Variants in UST observed in about 807,000 individuals in gnomAD.
UST encodes the protein chondroitin sulfate 2-O-sulfotransferase.
In UST, 21 loss-of-function variants were observed where a neutral mutation model predicts 45.6. The ratio of observed to expected loss-of-function variants is 0.46; its 90% CI spans 0.33 to 0.66. The LOEUF (loss-of-function observed/expected upper bound fraction) is 0.66, where lower values mean the gene tolerates loss of function less well. Among genes scored for constraint, UST ranks in the 30% least tolerant of loss-of-function variants. UST has a pLI of 0.02. For synonymous variants in UST, 215 were observed against 200.6 expected (o/e 1.07, Z -0.61); for missense variants, 463 against 512.4 (o/e 0.90, Z 0.93).
intron 1 of UST, among the ~76,000 whole-genome samples, chr6:148,753,344 T>C (rs951429010): frequency 2.0e-5 from 3 of 152,214 alleles, no homozygotes; most frequent in African/African-American, 7.2e-5. Flanking sequence ...TCTGTATAGA[T>C]TTGCCTATTC....
intron 1 of UST, among the ~76,000 whole-genome samples, chr6:148,814,087 A>G (rs568347423): frequency 6.6e-6 from 1 of 152,296 alleles, no homozygotes; most frequent in African/African-American, 2.4e-5. Context: ...CTTCCATGTT[A>G]TGGGCGCTCA....
intron 7 of UST, among the ~76,000 whole-genome samples, chr6:149,051,635 GGCAC>G (rs1196800893): frequency 2.6e-5 from 4 of 152,178 alleles, no homozygotes; most frequent in African/African-American, 4.8e-5. Context: ...AGGATTGAAT[GGCAC>G]AGTTCCTGAT....
chr6:148,944,881 G>A (rs1174076998), intron 3 of UST, among the ~76,000 whole-genome samples: 2 of 148,136 alleles, frequency 1.4e-5, no homozygotes, highest in African/African-American at 4.9e-5. Flanking sequence ...ATACAGCTTT[G>A]AAAAATAGGG....
chr6:148,961,446 A>G (rs1356249733), intron 4 of UST, among the ~76,000 whole-genome samples: 3 of 152,246 alleles, frequency 2.0e-5, no homozygotes, highest in African/African-American at 7.2e-5. Context: ...AGAGCTTTAG[A>G]TTATAAAATG....
intron 1 of UST, among the ~76,000 whole-genome samples, chr6:148,873,856 C>T (rs1479524454): frequency 6.6e-6 from 1 of 152,214 alleles, no homozygotes; most frequent in Non-Finnish European, 1.5e-5. Context: ...GTGTTTTCAG[C>T]CTTGTCTTGT....
In UST at chr6:148,747,474, G is replaced by A; in HGVS notation, c.44G>A (p.Trp15Ter). 1.4e-6 allele frequency: 2 copies of A among 1,473,598 alleles called. No individual in the cohort carries two copies. Among genetic ancestry groups the A allele is most frequent in the Non-Finnish European group, 1.8e-6 (2 of 1,111,998 alleles). 91.3% of individuals were successfully genotyped at this position (1,473,598 alleles called of 1,614,324 possible). ...QQHPGGGADP[W>*]PHGAPMGGAP... is the part of the protein sequence containing the mutation. Reference sequence around the variant, plus strand: ...CATCCCGGCGGCGGCGCGGATCCCTGGCCCCATGGGGCCCCTATGGGGGGC... The same window carrying A: ...CATCCCGGCGGCGGCGCGGATCCCTAGCCCCATGGGGCCCCTATGGGGGGC... The change falls in exon 1 of 8, where the codon TGG (tryptophan) becomes TAG (stop). Residue 15 changes from tryptophan (W) to a stop codon, truncating the protein, a stop_gained. Coordinates refer to ENST00000367463, the MANE Select transcript of UST (RefSeq NM_005715.3). LOFTEE classifies it high-confidence loss of function.
chr6:148,831,580 A>G (rs969165022), intron 1 of UST, among the ~76,000 whole-genome samples: 3 of 152,206 alleles, frequency 2.0e-5, no homozygotes, highest in African/African-American at 4.8e-5. Context: ...AAGAAGTCAT[A>G]TAATCCTAAC....
chr6:149,031,117 GA>G (rs1408012905), intron 7 of UST, among the ~76,000 whole-genome samples: 1 of 151,766 alleles, frequency 6.6e-6, no homozygotes, highest in Non-Finnish European at 1.5e-5. Flanking sequence ...TGAGGCAGGA[GA>G]ATTGCCTGAA....
At chr6:148,857,032 A>T (rs1399644550) in intron 1 of UST, among the ~76,000 whole-genome samples, 1 of 150,692 alleles carries the variant, frequency 6.6e-6, no homozygotes, top group Non-Finnish European at 1.5e-5. Context: ...TATGCCTATT[A>T]TATATAATTT....
chr6:148,857,999 G>A (rs1209523157), intron 1 of UST, among the ~76,000 whole-genome samples: 2 of 152,100 alleles, frequency 1.3e-5, no homozygotes, highest in African/African-American at 2.4e-5. Context: ...ATGTTTACTT[G>A]TAGCAACATT....
chr6:148,977,997 T>C (rs1781053157), intron 5 of UST, among the ~76,000 whole-genome samples: 1 of 152,190 alleles, frequency 6.6e-6, no homozygotes, highest in Non-Finnish European at 1.5e-5. Context: ...ATCTTGCACA[T>C]TTCTTAAGTT....
In UST at chr6:148,964,390, G is replaced by C. The variant is rs749867997; in HGVS notation, c.528-20G>C. 1.2e-6 allele frequency: 2 copies of C among 1,613,612 alleles called. No homozygotes were observed. The highest frequency in any genetic ancestry group is 1.6e-4 in the Middle Eastern group (1 of 6,062). On this transcript the variant is annotated intron_variant, in intron 4 of 7. Coordinates refer to ENST00000367463, the MANE Select transcript of UST (RefSeq NM_005715.3). ...TCGTCCTGCAGTGATGGGTTGTAACGAACTCAATGTTTGTGTTAGGTTTGG... is the reference window on the plus strand; with the variant it reads ...TCGTCCTGCAGTGATGGGTTGTAACCAACTCAATGTTTGTGTTAGGTTTGG...
At chr6:148,835,323 C>T (rs894166195) in intron 1 of UST, among the ~76,000 whole-genome samples, 4 of 151,958 alleles carry the variant, frequency 2.6e-5, no homozygotes, top group African/African-American at 9.7e-5. Context: ...CTTGAGCATC[C>T]TTAGATTTTG....
intron 1 of UST, among the ~76,000 whole-genome samples, chr6:148,754,454 C>G (rs1206418166): frequency 6.6e-6 from 1 of 152,094 alleles, no homozygotes; most frequent in African/African-American, 2.4e-5. Context: ...TGTCCCTCAC[C>G]CCCTTCCCAC....
chr6:148,789,337 C>T (rs751325708), intron 1 of UST, among the ~76,000 whole-genome samples: 6 of 151,878 alleles, frequency 4.0e-5, no homozygotes, highest in Admixed American at 6.6e-5. Context: ...CCCACCCCAA[C>T]CCCACTGAAT....
At chr6:148,862,241 C>T (rs1332718274) in intron 1 of UST, among the ~76,000 whole-genome samples, 1 of 152,024 alleles carries the variant, frequency 6.6e-6, no homozygotes, top group Non-Finnish European at 1.5e-5. Context: ...GATCCCTTTG[C>T]CATTATGTAA....
At chr6:148,958,196 T>C (rs1419386303) in intron 4 of UST, among the ~76,000 whole-genome samples, 1 of 152,220 alleles carries the variant, frequency 6.6e-6, no homozygotes. Flanking sequence ...TTTTTTCACC[T>C]TCTAGGCTTC....
intron 1 of UST, among the ~76,000 whole-genome samples, chr6:148,820,761 G>C (rs1413843690): frequency 6.6e-6 from 1 of 150,446 alleles, no homozygotes; most frequent in African/African-American, 2.4e-5. Context: ...GCTGAGGCAG[G>C]AGAATGGCGT....
chr6:148,968,081 C>A (rs1221046228), intron 5 of UST, among the ~76,000 whole-genome samples: 1 of 152,212 alleles, frequency 6.6e-6, no homozygotes. Context: ...TCCAGACCTC[C>A]TGATTCCACT....
Sources: gnomAD v4.1 joint callset for allele counts (sites outside exome capture counted in the v4.1 genomes callset) on GRCh38, gnomAD v4.1.1 for gene constraint, MANE v1.5 for transcripts, NCBI Gene and HGNC (gene_info 2026-07-23, HGNC 2026-07-21) for gene names.